The following ZHX2 variants were observed in gnomAD, a reference collection of about 807,000 sequenced individuals.
ZHX2 encodes zinc fingers and homeoboxes protein 2.
A neutral mutation model predicts 21.9 loss-of-function variants in ZHX2; 6 were observed. The ratio of observed to expected loss-of-function variants is 0.27; its 90% confidence interval spans 0.15 to 0.54. The LOEUF is 0.54. Among genes scored for constraint, ZHX2 ranks in the 20% least tolerant of loss-of-function variants. The pLI, the probability that ZHX2 is intolerant of heterozygous loss-of-function variation, is 0.95. For missense variants in ZHX2, 908 were observed against 1,090.7 expected, an observed-to-expected ratio of 0.83 and a Z score of 2.36; for synonymous variants, 434 against 437.1, an observed-to-expected ratio of 0.99 and a Z score of 0.09.
At chr8:122,859,688 G>T (rs925792842) in intron 1 of ZHX2, among the ~76,000 whole-genome samples, 4 of 152,110 alleles carry the variant, frequency 2.6e-5, no homozygotes, top group African/African-American at 9.7e-5. Flanking sequence ...CCTGACACAG[G>T]TGAGGAGCCT....
intron 1 of ZHX2, among the ~76,000 whole-genome samples, chr8:122,844,457 T>C (rs1382061742): frequency 6.6e-6 from 1 of 152,236 alleles, no homozygotes; most frequent in Non-Finnish European, 1.5e-5. Flanking sequence ...GCAAAAGAGA[T>C]CATGGATATA....
Position 122,953,320 on chromosome 8 carries a change from G to A in ZHX2, c.1810G>A (p.Val604Met), listed in dbSNP as rs1303067855. Residue 604 changes from valine (V) to methionine (M), a missense_variant, in exon 3 of 4, where the codon GTG becomes ATG. Physicochemically the swap from Val to Met is conservative, Grantham distance 21. Coordinates refer to ENST00000314393, the MANE Select transcript of ZHX2 (RefSeq NM_014943.5). The surrounding 1 kb of genome is among the most constrained non-coding windows in gnomAD (Gnocchi z 4.6). ...SMGSGKKGQD[V>M]GAPNGALSRL... ...GGGGTCTGGCAAAAAAGGCCAAGAT[G>A]TGGGAGCCCCCAATGGTGCTCTGTC... 1 of 1,614,124 alleles carries A rather than the reference G, an allele frequency of 6.2e-7. No individual in the cohort carries two copies. The highest frequency in any genetic ancestry group is 1.7e-5 in the Admixed American group (1 of 60,030).
rs754559925 is a variant in ZHX2 at position 122,953,078 on chromosome 8, A to G, written c.1568A>G (p.His523Arg). The change falls in exon 3 of 4, where the codon CAT becomes CGT. Residue 523 changes from histidine (H) to arginine (R), a missense_variant. Physicochemically the swap from His to Arg is conservative, Grantham distance 29. This residue lies in a region of ZHX2 where 431 missense variants were observed against 428.6 expected (regional missense o/e 1.01). Coordinates refer to ENST00000314393, the MANE Select transcript of ZHX2 (RefSeq NM_014943.5). This position sits in a 1 kb window ranked among gnomAD's most constrained non-coding sequence, Gnocchi z 4.6. ...GCCTCCCGACACGGTCGCACGTATC[A>G]TGCGTACCCAGACTTTGCCCCCCAG... The part of the protein sequence containing the change: ...IAASRHGRTY[H>R]AYPDFAPQKF... The G allele has an allele frequency of 4.3e-6, 7 of 1,613,914 alleles. No individual in the cohort carries two copies. Among genetic ancestry groups the G allele is most frequent in the African/African-American group, 2.7e-5 (2 of 74,896 alleles).
chr8:122,797,920 G>A (rs1314698740), intron 1 of ZHX2, among the ~76,000 whole-genome samples: 2 of 152,148 alleles, frequency 1.3e-5, no homozygotes, highest in Non-Finnish European at 2.9e-5. Flanking sequence ...GGTTCAGCGT[G>A]CCAGGCCGAT....
chr8:122,833,213 C>T (rs1818416677), intron 1 of ZHX2, among the ~76,000 whole-genome samples: 1 of 152,200 alleles, frequency 6.6e-6, no homozygotes, highest in African/African-American at 2.4e-5. Context: ...GGGTTAGGAA[C>T]TGCTGGACAT....
At chr8:122,831,513 G>T (rs775228597) in intron 1 of ZHX2, among the ~76,000 whole-genome samples, 43 of 152,194 alleles carry the variant, frequency 2.8e-4, no homozygotes, top group Middle Eastern at 3.2e-3. Context: ...CCTTGCTTTT[G>T]AAGGTTTTGG....
chr8:122,781,023 C>G (rs1817267780), upstream of ZHX2: 4 of 152,266 alleles, frequency 2.6e-5, no homozygotes, highest in African/African-American at 9.6e-5. This position sits in a 1 kb window ranked among gnomAD's most constrained non-coding sequence, Gnocchi z 4.6. Flanking sequence ...CCCCTCCCTA[C>G]GCCGAGCCTT....
At chr8:122,932,762 C>A (rs184338495) in intron 2 of ZHX2, among the ~76,000 whole-genome samples, 4 of 152,284 alleles carry the variant, frequency 2.6e-5, no homozygotes, top group African/African-American at 9.6e-5. Flanking sequence ...TCACGTCATC[C>A]AAATCCCTTT....
intron 2 of ZHX2, among the ~76,000 whole-genome samples, chr8:122,876,809 C>T (rs1819585238): frequency 1.3e-5 from 2 of 152,098 alleles, no homozygotes; most frequent in Non-Finnish European, 2.9e-5. Flanking sequence ...CCTGTGTGCA[C>T]CAGGGTGAGA....
At chr8:122,808,292 G>C (rs2130596718) in intron 1 of ZHX2, among the ~76,000 whole-genome samples, 1 of 152,278 alleles carries the variant, frequency 6.6e-6, no homozygotes, top group Non-Finnish European at 1.5e-5. Context: ...ACATATCCAA[G>C]ACTGGGTAAT....
At chr8:122,932,624 C>G (rs1259057223) in intron 2 of ZHX2, among the ~76,000 whole-genome samples, 1 of 152,200 alleles carries the variant, frequency 6.6e-6, no homozygotes, top group Admixed American at 6.5e-5. Flanking sequence ...GAGTGAAACT[C>G]CATCTCAAAA....
In ZHX2 at chr8:122,953,778, A is replaced by C. The variant is rs758901822; in HGVS notation, c.2268A>C (p.Ala756=). ...VTRVKVGSEP[A]KDCLPAKPSE... ...GGGTAAAAGTAGGCAGCGAGCCAGC[A>C]AAAGACTGTTTGCCAGCAAAGCCCT... The change falls in exon 3 of 4, where the codon GCA becomes GCC. Residue 756 remains alanine, a synonymous_variant. Transcript: ENST00000314393. The surrounding 1 kb of genome is among the most constrained non-coding windows in gnomAD (Gnocchi z 4.6). 7 of 1,614,268 alleles carry C rather than the reference A, an allele frequency of 4.3e-6. No individual in the cohort carries two copies. Among genetic ancestry groups the C allele is most frequent in the Non-Finnish European group, 5.9e-6 (7 of 1,180,052 alleles).
chr8:122,854,376 T>G (rs1470526766), intron 1 of ZHX2, among the ~76,000 whole-genome samples: 4 of 152,318 alleles, frequency 2.6e-5, no homozygotes, highest in Admixed American at 1.3e-4. Flanking sequence ...AGGCACTTCC[T>G]TTATTTCCCT....
chr8:122,897,029 C>T (rs569651858), intron 2 of ZHX2, among the ~76,000 whole-genome samples: 1 of 152,228 alleles, frequency 6.6e-6, no homozygotes, highest in East Asian at 1.9e-4. Flanking sequence ...TATGGGAATG[C>T]ACTTTAGAAA....
chr8:122,894,953 T>A (rs2129893391), intron 2 of ZHX2, among the ~76,000 whole-genome samples: 1 of 152,296 alleles, frequency 6.6e-6, no homozygotes, highest in South Asian at 2.1e-4. Context: ...CAAGAAATGT[T>A]TGAATCACAG....
At chr8:122,903,918 C>A (rs544817321) in intron 2 of ZHX2, among the ~76,000 whole-genome samples, 2 of 152,020 alleles carry the variant, frequency 1.3e-5, no homozygotes, top group South Asian at 4.2e-4. Context: ...AACACATTTT[C>A]TCTATTTCTC....
intron 3 of ZHX2, among the ~76,000 whole-genome samples, chr8:122,963,068 G>C (rs917392061): frequency 2.6e-5 from 4 of 152,064 alleles, no homozygotes; most frequent in African/African-American, 7.2e-5. Flanking sequence ...CCACTCTGTG[G>C]GTTGTCTGTT....
intron 2 of ZHX2, among the ~76,000 whole-genome samples, chr8:122,900,650 T>C (rs778696756): frequency 1.9e-4 from 29 of 152,204 alleles, no homozygotes; most frequent in Non-Finnish European, 3.2e-4. Context: ...CTTAATTTTG[T>C]CCTGGTGCTA....
At chr8:122,968,810 G>T (rs1206429844) in intron 3 of ZHX2, among the ~76,000 whole-genome samples, 2 of 149,562 alleles carry the variant, frequency 1.3e-5, no homozygotes, top group African/African-American at 5.0e-5. Context: ...GTGAACTCCA[G>T]CCTGGGCAGC....
Sources: allele counts gnomAD v4.1 joint callset (sites outside exome capture counted in the v4.1 genomes callset), GRCh38; gene constraint gnomAD v4.1.1; regional missense constraint gnomAD v4.1.1; non-coding constraint Gnocchi (gnomAD v3.1); transcripts MANE v1.5; gene names NCBI Gene and HGNC (gene_info 2026-07-23, HGNC 2026-07-21).